MED13L: variants seen among roughly 807,000 people sequenced by gnomAD.
The protein encoded by MED13L is mediator of RNA polymerase II transcription subunit 13-like.
MED13L carries 7 observed loss-of-function variants against 220.9 expected under a neutral mutation model. The observed-to-expected ratio is 0.03, with a 90% CI of 0.02 to 0.06. The LOEUF is 0.06. Ranked by LOEUF, MED13L falls within the 10% of genes least tolerant of loss-of-function variation. MED13L has a pLI of 1.00. For missense variants in MED13L, 1,965 were observed against 2,760.5 expected (o/e 0.71, Z 6.46); for synonymous variants, 1,011 against 1,015.2 (o/e 1.00, Z 0.08).
At chr12:116,274,698 C>T (rs1441348171) in intron 1 of MED13L, among the ~76,000 whole-genome samples, 1 of 151,798 alleles carries the variant, frequency 6.6e-6, no homozygotes, top group Non-Finnish European at 1.5e-5. Context: ...AGCACCTTAT[C>T]CACACTCCAC....
intron 2 of MED13L, among the ~76,000 whole-genome samples, chr12:116,206,059 C>A: frequency 7.3e-6 from 1 of 137,608 alleles, no homozygotes. Flanking sequence ...TATAGAGATA[C>A]TTAAGTATTA....
intron 2 of MED13L, among the ~76,000 whole-genome samples, chr12:116,209,484 C>A (rs1882560934): frequency 6.6e-6 from 1 of 152,112 alleles, no homozygotes; most frequent in African/African-American, 2.4e-5. Context: ...GTGACACATT[C>A]TCAATCTCTG....
At chr12:116,049,736 C>T (rs1044961766) in intron 4 of MED13L, among the ~76,000 whole-genome samples, 1 of 152,120 alleles carries the variant, frequency 6.6e-6, no homozygotes, top group Non-Finnish European at 1.5e-5. Context: ...GGAAGGTGGA[C>T]AAACTGAACA....
At chr12:116,236,860 A>G in intron 2 of MED13L, 1 of 985,128 alleles carries the variant, frequency 1.0e-6, no homozygotes, top group Non-Finnish European at 1.2e-6. Flanking sequence ...ATCTGAAGCT[A>G]AAAATCAGGC....
intron 2 of MED13L, among the ~76,000 whole-genome samples, chr12:116,117,331 G>GC (rs1219780312): frequency 3.9e-5 from 6 of 152,160 alleles, no homozygotes; most frequent in African/African-American, 1.2e-4. Flanking sequence ...GAGGGGTGAT[G>GC]CCCCCCACTC....
chr12:116,001,117 A>C (rs1878713128), intron 14 of MED13L, among the ~76,000 whole-genome samples: 1 of 152,188 alleles, frequency 6.6e-6, no homozygotes, highest in South Asian at 2.1e-4. Context: ...GCCACTAGAA[A>C]ATGTGAAATT....
At chr12:116,001,686 C>T (rs1878753890) in intron 14 of MED13L, among the ~76,000 whole-genome samples, 1 of 152,106 alleles carries the variant, frequency 6.6e-6, no homozygotes, top group South Asian at 2.1e-4. Context: ...TTAAAATGAT[C>T]CTCTGTATTC....
intron 2 of MED13L, among the ~76,000 whole-genome samples, chr12:116,124,138 G>C (rs995065262): frequency 1.6e-5 from 2 of 121,216 alleles, no homozygotes; most frequent in African/African-American, 2.6e-5. Flanking sequence ...GAGAGAGAGA[G>C]AGAGAGAGAG....
chr12:115,980,215 A>G (rs1262179948), intron 23 of MED13L, among the ~76,000 whole-genome samples: 2 of 152,230 alleles, frequency 1.3e-5, no homozygotes, highest in South Asian at 2.1e-4. Flanking sequence ...ATTATTGCCT[A>G]AAGTCCTACA....
intron 4 of MED13L, among the ~76,000 whole-genome samples, chr12:116,071,852 A>G (rs1284986582): frequency 6.6e-6 from 1 of 152,194 alleles, no homozygotes; most frequent in Non-Finnish European, 1.5e-5. Context: ...CTATTACAAC[A>G]TTAAACACCA....
intron 2 of MED13L, among the ~76,000 whole-genome samples, chr12:116,116,192 C>A (rs1470725058): frequency 6.6e-6 from 1 of 152,150 alleles, no homozygotes; most frequent in East Asian, 1.9e-4. Flanking sequence ...GGGAAATAAT[C>A]ATGTGACCAG....
rs373035680 is a variant in MED13L at position 116,241,342 on chromosome 12, AC to A, written c.73-3638del. On this transcript the variant is annotated intron_variant, in intron 1 of 30. Transcript: ENST00000281928. ...CAAAAAACAAAAAAACAAAAAAAAAACACACACACACACACACACAATAAAT... is the reference window on the plus strand; with the variant it reads ...CAAAAAACAAAAAAACAAAAAAAAAAACACACACACACACACACAATAAAT... Among the ~76,000 whole-genome samples, 473 of 147,686 alleles carry A rather than the reference AC, an allele frequency of 3.2e-3. 2 individuals are homozygous for A. The highest frequency in any genetic ancestry group is 8.5e-3 in the African/African-American group (341 of 40,092).
At chr12:116,273,788 A>C (rs1274265028) in intron 1 of MED13L, among the ~76,000 whole-genome samples, 2 of 152,244 alleles carry the variant, frequency 1.3e-5, no homozygotes, top group African/African-American at 4.8e-5. Context: ...CAAAGAGCAC[A>C]TATTTAAATC....
At chr12:116,108,888 T>C (rs1353157564) in intron 3 of MED13L, among the ~76,000 whole-genome samples, 115 of 152,062 alleles carry the variant, frequency 7.6e-4, no homozygotes, top group Non-Finnish European at 7.4e-5. Flanking sequence ...ACACATGATA[T>C]ATATCTATCA....
At chr12:116,146,395 C>T (rs1877515461) in intron 2 of MED13L, among the ~76,000 whole-genome samples, 1 of 151,922 alleles carries the variant, frequency 6.6e-6, no homozygotes, top group African/African-American at 2.4e-5. Context: ...GCTGGGATTA[C>T]AGGCGTGAGC....
chr12:115,986,959 TA>T, intron 18 of MED13L, 149 bp downstream of exon 18: 1 of 863,310 alleles, frequency 1.2e-6, no homozygotes, highest in East Asian at 2.7e-5. Context: ...AAAGTAACTT[TA>T]GGAAAACAAA....
At chr12:116,141,388 C>G (rs1877060292) in intron 2 of MED13L, among the ~76,000 whole-genome samples, 1 of 152,090 alleles carries the variant, frequency 6.6e-6, no homozygotes, top group Non-Finnish European at 1.5e-5. Flanking sequence ...TAGGGTTACA[C>G]AGATAGCTTC....
intron 4 of MED13L, among the ~76,000 whole-genome samples, chr12:116,049,794 T>C (rs1351612043): frequency 6.6e-6 from 1 of 152,196 alleles, no homozygotes; most frequent in East Asian, 1.9e-4. Context: ...ACACTAATTA[T>C]AAAAACATCT....
chr12:116,007,552 C>T lies in MED13L; in HGVS notation c.2097G>A (p.Leu699=), dbSNP rs779974031. The change falls in exon 11 of 31, where the codon TTG becomes TTA. Residue 699 remains leucine, a synonymous_variant. Transcript: ENST00000281928. Reference sequence around the variant, plus strand: ...TGTCTCCAGGTTGTTGTGATAGAGGCAATGGGTCAAGGAAGTGGAGTGGCT... The same window carrying T: ...TGTCTCCAGGTTGTTGTGATAGAGGTAATGGGTCAAGGAAGTGGAGTGGCT... ...QLQPLHFLDP[L]PLSQQPGDSL... 28 of 1,607,790 alleles carry T rather than the reference C, an allele frequency of 1.7e-5. No individual in the cohort carries two copies. The highest frequency in any genetic ancestry group is 4.5e-5 in the East Asian group (2 of 44,610).
Sources: allele counts gnomAD v4.1 joint callset (sites outside exome capture counted in the v4.1 genomes callset), GRCh38; gene constraint gnomAD v4.1.1; transcripts MANE v1.5; gene names NCBI Gene and HGNC (gene_info 2026-07-23, HGNC 2026-07-21).